Variants in BACH1 observed in about 807,000 individuals in gnomAD.
BACH1 encodes BTB domain and CNC homolog 1.
In BACH1, 35 loss-of-function variants were observed where a neutral mutation model predicts 52.9. That is an observed-to-expected ratio of 0.66 (90% CI 0.51 to 0.88). BACH1 has a LOEUF of 0.88. BACH1 is among the 40% of genes least tolerant of loss of function. BACH1 has a pLI of 0.00. For missense variants in BACH1, 808 were observed against 872.6 expected (o/e 0.93, Z 0.93); for synonymous variants, 321 against 319.6 (o/e 1.00, Z -0.05).
downstream of BACH1, among the ~76,000 whole-genome samples, chr21:29,348,104 AAAAT>A (rs1341378161): frequency 2.6e-5 from 4 of 152,218 alleles, no homozygotes; most frequent in Non-Finnish European, 5.9e-5. Context: ...AACTTTAAGA[AAAAT>A]AAATCCCAAG....
At chr21:29,358,778 G>GA (rs781063661) in intron 2 of BACH1, among the ~76,000 whole-genome samples, 3 of 80,536 alleles carry the variant, frequency 3.7e-5, no homozygotes, top group Admixed American at 1.2e-4. Flanking sequence ...AGAAAAGAAA[G>GA]AAAGAAAGAA....
At chr21:29,335,660 CTTTA>C (rs1399548343) in intron 4 of BACH1, among the ~76,000 whole-genome samples, 1 of 152,174 alleles carries the variant, frequency 6.6e-6, no homozygotes, top group Non-Finnish European at 1.5e-5. Context: ...GCCACATTTG[CTTTA>C]TTTCTCTATC....
chr21:29,313,845 C>T (rs1469774643), intron 1 of BACH1, among the ~76,000 whole-genome samples: 9 of 151,978 alleles, frequency 5.9e-5, no homozygotes, highest in Middle Eastern at 3.4e-3. Context: ...GAGGAAGGGG[C>T]GTGTGAAATT....
At chr21:29,313,216 AT>A (rs1275583616) in intron 1 of BACH1, among the ~76,000 whole-genome samples, 3 of 152,332 alleles carry the variant, frequency 2.0e-5, no homozygotes, top group African/African-American at 4.8e-5. Flanking sequence ...AGGTCCATGC[AT>A]GATTTTCATG....
chr21:29,307,619 G>A (rs1396129153), intron 1 of BACH1, among the ~76,000 whole-genome samples: 3 of 152,152 alleles, frequency 2.0e-5, no homozygotes, highest in African/African-American at 7.2e-5. Context: ...TATAATTGTT[G>A]TATTTTATTA....
rs1378705402 is a variant in BACH1, at chr21:29,329,648, A to T, written c.1731A>T (p.Arg577Ser). ...TTGCTGCACAGCGCTGTCGCAAGAG[A>T]AAACTTGACTGTATACAGAATCTTG... ...NRIAAQRCRK[R>S]KLDCIQNLES... Residue 577 changes from arginine (R) to serine (S), a missense_variant, in exon 4 of 5, where the codon AGA (arginine) becomes AGT (serine). Physicochemically the swap from Arg to Ser is moderately radical, Grantham distance 110 (BLOSUM62 -1). Coordinates refer to ENST00000286800, the MANE Select transcript of BACH1 (RefSeq NM_001186.4). The T allele has an allele frequency of 6.3e-7, 1 of 1,593,112 alleles. No homozygotes were observed. Among genetic ancestry groups the T allele is most frequent in the Non-Finnish European group, 8.5e-7 (1 of 1,171,620 alleles).
intron 4 of BACH1, among the ~76,000 whole-genome samples, chr21:29,334,900 A>C (rs1601362752): frequency 6.6e-6 from 1 of 152,202 alleles, no homozygotes; most frequent in Non-Finnish European, 1.5e-5. Flanking sequence ...AGCGCACCCC[A>C]GTGGCCCTTC....
chr21:29,325,147 G>A (rs556660670), intron 2 of BACH1, among the ~76,000 whole-genome samples: 2 of 152,036 alleles, frequency 1.3e-5, no homozygotes, highest in Non-Finnish European at 1.5e-5. Context: ...GGAGAATGGC[G>A]TGAACCCGAG....
intron 2 of BACH1, chr21:29,359,067 T>A (rs1482318510): frequency 1.3e-5 from 2 of 152,060 alleles, no homozygotes; most frequent in Non-Finnish European, 2.9e-5. Context: ...TTTAGGACTA[T>A]TATTAATCCA....
In BACH1 at chr21:29,343,631, CAGAAT is replaced by C. The variant is rs748837390; in HGVS notation, c.*800_*804del. The C allele has an allele frequency of 2.6e-5, 4 of 152,174 alleles. No homozygotes were observed. Among genetic ancestry groups the C allele is most frequent in the Non-Finnish European group, 5.9e-5 (4 of 68,046 alleles). The allele number at this position is 152,174 out of a possible 1,614,324, so 9.4% of individuals were successfully genotyped here. On this transcript the variant is annotated 3_prime_UTR_variant, in exon 5 of 5. Coordinates refer to ENST00000286800, the MANE Select transcript of BACH1 (RefSeq NM_001186.4). The stretch of plus-strand genomic sequence containing the variant: ...TCCCTTTGGAAGAAGAAATAGGACT[CAGAAT>C]ACAGTGGCATGAGTGATTACACTGG...
chr21:29,342,616 C>T lies in BACH1; in HGVS notation c.1994C>T (p.Ala665Val), dbSNP rs750619547. ...KDKSTPDGEL[A>V]LPSIFSLSDR... ...AAAAGTACTCCTGATGGTGAACTGG[C>T]GTTACCATCAATTTTCAGTTTATCT... Residue 665 changes from alanine to valine, a missense_variant, in exon 5 of 5, where the codon GCG (alanine) becomes GTG (valine). Ala to Val is a moderately conservative substitution (Grantham distance 64, BLOSUM62 0). Coordinates refer to ENST00000286800, the MANE Select transcript of BACH1 (RefSeq NM_001186.4). 22 of 1,613,978 alleles carry T rather than the reference C, an allele frequency of 1.4e-5. No homozygotes were observed. Among genetic ancestry groups the T allele is most frequent in the Admixed American group, 5.0e-5 (3 of 60,004 alleles).
At chr21:29,347,766 A>G (rs1003242949), downstream of BACH1, among the ~76,000 whole-genome samples, 1 of 152,090 alleles carries the variant, frequency 6.6e-6, no homozygotes, top group Non-Finnish European at 1.5e-5. Context: ...TTCAAAGGCT[A>G]CTCTGTACCA....
chr21:29,329,796 T>TAAAA (rs1680786329), intron 4 of BACH1, 103 bp downstream of exon 4: 2 of 808,768 alleles, frequency 2.5e-6, no homozygotes, highest in African/African-American at 3.5e-5. Flanking sequence ...CTCAATTACT[T>TAAAA]ATTTTAATAT....
chr21:29,301,638 T>C (rs2088605043), intron 1 of BACH1, among the ~76,000 whole-genome samples: 1 of 152,116 alleles, frequency 6.6e-6, no homozygotes, highest in Admixed American at 6.6e-5. Context: ...AGCCCAGCGG[T>C]TGGTTTAATG....
downstream of BACH1, among the ~76,000 whole-genome samples, chr21:29,350,866 G>A (rs1301326650): frequency 6.6e-6 from 1 of 151,994 alleles, no homozygotes. Flanking sequence ...GAAAGAGAAA[G>A]ATACCCCAGA....
Position 29,327,363 on chromosome 21 carries a change from A to T in BACH1, c.1539A>T (p.Glu513Asp). ...DSETDTEGDS[E>D]SCSAREQECE... Reference sequence around the variant, plus strand: ...AGACGGACACCGAAGGAGACAGTGAATCCTGTTCAGCCAGAGAACAAGAAT... The same window carrying T: ...AGACGGACACCGAAGGAGACAGTGATTCCTGTTCAGCCAGAGAACAAGAAT... The change falls in exon 3 of 5, where the codon GAA becomes GAT. Residue 513 changes from glutamate to aspartate, a missense_variant. Transcript: ENST00000286800. The T allele has an allele frequency of 1.2e-6, 2 of 1,613,880 alleles. No homozygotes were observed. Among genetic ancestry groups the T allele is most frequent in the Non-Finnish European group, 1.7e-6 (2 of 1,179,850 alleles).
At chr21:29,350,894 T>C (rs533792336), downstream of BACH1, among the ~76,000 whole-genome samples, 26 of 152,282 alleles carry the variant, frequency 1.7e-4, no homozygotes, top group Admixed American at 6.5e-4. Flanking sequence ...CAGACTCCCA[T>C]GAAAGCCACG....
rs925316451 is a variant in BACH1, at chr21:29,329,607, A to C, written c.1690A>C (p.Arg564=). The C allele has an allele frequency of 1.7e-5, 28 of 1,606,316 alleles. No individual in the cohort carries two copies. The highest frequency in any genetic ancestry group is 2.4e-5 in the Non-Finnish European group (28 of 1,177,360). Residue 564 remains arginine (R), a synonymous_variant, in exon 4 of 5, where the codon AGA becomes CGA. Transcript: ENST00000286800. The part of the protein sequence containing the change: ...QLDCIHDIRR[R]SKNRIAAQRC... The stretch of plus-strand genomic sequence containing the variant: ...GGATTGTATCCATGATATTCGAAGA[A>C]GAAGTAAAAACAGAATTGCTGCACA...
At chr21:29,347,411 A>G (rs1459569117), downstream of BACH1, among the ~76,000 whole-genome samples, 1 of 152,202 alleles carries the variant, frequency 6.6e-6, no homozygotes, top group African/African-American at 2.4e-5. Context: ...TACTCATTAG[A>G]ATCAGGGACT....
Sources: gnomAD v4.1 joint callset for allele counts (sites outside exome capture counted in the v4.1 genomes callset) on GRCh38, gnomAD v4.1.1 for gene constraint, MANE v1.5 for transcripts, NCBI Gene and HGNC (gene_info 2026-07-23, HGNC 2026-07-21) for gene names.